The following SUSD3 variants were observed in gnomAD, a reference collection of about 807,000 sequenced individuals.
SUSD3 encodes sushi domain-containing protein 3.
In SUSD3, 18 loss-of-function variants were observed where a neutral mutation model predicts 20.6. The ratio of observed to expected loss-of-function variants is 0.87; its 90% CI spans 0.60 to 1.30. The LOEUF is 1.30. Ranked by LOEUF, SUSD3 falls within the 50% of genes most tolerant of loss-of-function variation. The probability of loss-of-function intolerance (pLI) is 0.00; values close to 1 mark genes in which losing one functional copy is unlikely to be tolerated. For synonymous variants in SUSD3, 137 were observed against 141.5 expected (o/e 0.97, Z 0.23); for missense variants, 306 against 346.9 (o/e 0.88, Z 0.94).
chr9:93,071,815 G>A (rs1825922725), intron 1 of SUSD3, among the ~76,000 whole-genome samples: 1 of 152,178 alleles, frequency 6.6e-6, no homozygotes, highest in African/African-American at 2.4e-5. Flanking sequence ...CTGCAACTCT[G>A]GGATGGGGAG....
At chr9:93,075,735 T>TGGGGGGG in intron 1 of SUSD3, 49 bp from the exon 2 acceptor site, 3 of 247,426 alleles carry the variant, frequency 1.2e-5, no homozygotes, top group Non-Finnish European at 1.5e-5. Flanking sequence ...CTGCCCTGCG[T>TGGGGGGG]GCCCACCCCC....
intron 1 of SUSD3, among the ~76,000 whole-genome samples, chr9:93,069,395 G>A (rs1825830708): frequency 6.6e-6 from 1 of 152,198 alleles, no homozygotes; most frequent in Non-Finnish European, 1.5e-5. Context: ...TGAAAACAAG[G>A]ATAAGGACGG....
rs377701616 is a variant in SUSD3 at position 93,079,462 on chromosome 9, C to G, written c.426-9C>G. 7 of 1,613,528 alleles carry G rather than the reference C, an allele frequency of 4.3e-6. No individual in the cohort carries two copies. Among genetic ancestry groups the G allele is most frequent in the African/African-American group, 1.3e-5 (1 of 74,936 alleles). ...TGCTCAGAGTCCTTCCTCCCAAACT[C>G]TCCTCCAGGTCAGCCCAGCTGTGGT... On this transcript the variant is annotated splice_polypyrimidine_tract_variant and intron_variant, in intron 3 of 4. Coordinates refer to ENST00000375472, the MANE Select transcript of SUSD3 (RefSeq NM_145006.4).
In SUSD3 at chr9:93,077,885, T is replaced by A. The variant is rs532500591; in HGVS notation, c.317T>A (p.Val106Glu). 6.2e-7 allele frequency: 1 copy of A among 1,614,194 alleles called. No individual in the cohort carries two copies. The highest frequency in any genetic ancestry group is 8.5e-7 in the Non-Finnish European group (1 of 1,180,018). The change falls in exon 3 of 5, where the codon GTG becomes GAG. Residue 106 changes from valine (V) to glutamate (E), a missense_variant. Coordinates refer to ENST00000375472, the MANE Select transcript of SUSD3 (RefSeq NM_145006.4). ...PHETFGFKVA[V>E]IASIVSCAII... ...GAGACCTTTGGCTTCAAGGTGGCCG[T>A]GATCGCCTCCATTGTGAGCTGTGCC...
At chr9:93,075,735 T>TGGGGGGGG in intron 1 of SUSD3, 49 bp from the exon 2 acceptor site, 1 of 247,424 alleles carries the variant, frequency 4.0e-6, no homozygotes, top group Non-Finnish European at 7.4e-6. Context: ...CTGCCCTGCG[T>TGGGGGGGG]GCCCACCCCC....
chr9:93,077,440 C>T lies in SUSD3; in HGVS notation c.278-406C>T, dbSNP rs73651358. Among the ~76,000 whole-genome samples the T allele has an allele frequency of 4.5e-3, 682 of 152,154 alleles. 7 individuals are homozygous for T. Among genetic ancestry groups the T allele is most frequent in the African/African-American group, 0.015 (627 of 41,500 alleles). ...CATCACTCTGAACTCCCTGCCAGAA[C>T]TTCTGTAATTGACCACTCTGCAGAC... On this transcript the variant is annotated intron_variant, in intron 2 of 4. Coordinates refer to ENST00000375472, the MANE Select transcript of SUSD3 (RefSeq NM_145006.4).
Position 93,075,946 on chromosome 9 carries a change from G to A in SUSD3, c.251G>A (p.Trp84Ter). ...ACCTGGAAGGGGAGCATCGCTGAGT[G>A]GTCTTCAGGGTCCCCAGTGTGCAAA... ...TCTWKGSIAEWSSGSPVCKLV... is the reference protein window; with the variant it reads ...TCTWKGSIAE Residue 84 changes from tryptophan to a stop codon, truncating the protein, a stop_gained, in exon 2 of 5, where the codon TGG becomes TAG. Transcript: ENST00000375472. LOFTEE classifies it high-confidence loss of function. The A allele has an allele frequency of 6.2e-7, 1 of 1,609,156 alleles. No individual in the cohort carries two copies. The highest frequency in any genetic ancestry group is 8.5e-7 in the Non-Finnish European group (1 of 1,176,738).
intron 1 of SUSD3, among the ~76,000 whole-genome samples, chr9:93,073,538 G>A (rs1317622137): frequency 2.0e-5 from 3 of 152,082 alleles, no homozygotes; most frequent in African/African-American, 7.2e-5. Flanking sequence ...GTGAGCCACC[G>A]TGCCCGTCCT....
intron 1 of SUSD3, among the ~76,000 whole-genome samples, chr9:93,060,867 G>A (rs1475842978): frequency 1.3e-5 from 2 of 152,210 alleles, no homozygotes; most frequent in South Asian, 2.1e-4. Context: ...AACATAGCAC[G>A]GGGATGTGTG....
At chr9:93,066,911 T>C (rs1825739741) in intron 1 of SUSD3, among the ~76,000 whole-genome samples, 1 of 152,156 alleles carries the variant, frequency 6.6e-6, no homozygotes, top group South Asian at 2.1e-4. Context: ...TTTCACCGTG[T>C]TGGCCAGGCT....
intron 1 of SUSD3, among the ~76,000 whole-genome samples, chr9:93,071,346 C>T (rs1401346604): frequency 6.6e-6 from 1 of 152,166 alleles, no homozygotes; most frequent in Non-Finnish European, 1.5e-5. Context: ...GCAGAAGGCC[C>T]GACAGCCGTT....
chr9:93,074,431 CAAAAAAAA>C (rs56872294), intron 1 of SUSD3, among the ~76,000 whole-genome samples: 3 of 38,854 alleles, frequency 7.7e-5, no homozygotes, highest in Non-Finnish European at 1.7e-4. Flanking sequence ...GACTCTGACT[CAAAAAAAA>C]AAAAAAAAAA....
intron 1 of SUSD3, among the ~76,000 whole-genome samples, chr9:93,059,317 C>A (rs1318824317): frequency 1.3e-5 from 2 of 152,126 alleles, no homozygotes; most frequent in Non-Finnish European, 2.9e-5. Context: ...AGAAACTGAG[C>A]CTGCGAGAGG....
chr9:93,066,522 G>A (rs113819164), intron 1 of SUSD3, among the ~76,000 whole-genome samples: 1,821 of 151,322 alleles, frequency 0.012, 36 homozygotes, highest in African/African-American at 0.042. Context: ...ATGAGCCACC[G>A]TGCTCGGCCA....
At chr9:93,061,031 G>A (rs574187020) in intron 1 of SUSD3, among the ~76,000 whole-genome samples, 5 of 152,288 alleles carry the variant, frequency 3.3e-5, no homozygotes, top group Admixed American at 6.5e-5. Flanking sequence ...GGCAGGGCGC[G>A]GGGGAGACTA....
chr9:93,075,944 G>A lies in SUSD3; in HGVS notation c.249G>A (p.Glu83=), dbSNP rs1253855929. 2 of 1,610,914 alleles carry A rather than the reference G, an allele frequency of 1.2e-6. No individual in the cohort carries two copies. The highest frequency in any genetic ancestry group is 2.2e-5 in the South Asian group (2 of 90,866). Residue 83 remains glutamate (E), a synonymous_variant, in exon 2 of 5, where the codon GAG becomes GAA. Transcript: ENST00000375472. The part of the protein sequence containing the change: ...LTCTWKGSIA[E]WSSGSPVCKL... ...GCACCTGGAAGGGGAGCATCGCTGA[G>A]TGGTCTTCAGGGTCCCCAGTGTGCA...
chr9:93,081,628 G>C (rs1486173022), intron 4 of SUSD3, among the ~76,000 whole-genome samples: 6 of 152,172 alleles, frequency 3.9e-5, no homozygotes, highest in South Asian at 4.1e-4. Flanking sequence ...GTGGCCCTGG[G>C]TTACACACAC....
chr9:93,072,066 A>G (rs1825932109), intron 1 of SUSD3, among the ~76,000 whole-genome samples: 1 of 152,034 alleles, frequency 6.6e-6, no homozygotes, highest in Non-Finnish European at 1.5e-5. Context: ...CACCCTCCTC[A>G]TAGGGCTATA....
At chr9:93,075,105 A>G (rs1169023961) in intron 1 of SUSD3, among the ~76,000 whole-genome samples, 1 of 152,104 alleles carries the variant, frequency 6.6e-6, no homozygotes, top group African/African-American at 2.4e-5. Flanking sequence ...TCTCCCTTGA[A>G]TCAACATTTC....
Sources: gnomAD v4.1 joint callset for allele counts (sites outside exome capture counted in the v4.1 genomes callset) on GRCh38, gnomAD v4.1.1 for gene constraint, MANE v1.5 for transcripts, NCBI Gene and HGNC (gene_info 2026-07-23, HGNC 2026-07-21) for gene names.